Variants in KALRN observed in about 807,000 individuals in gnomAD.
The protein encoded by KALRN is kalirin.
In KALRN, 70 loss-of-function variants were observed where a neutral mutation model predicts 353.7. The ratio of observed to expected loss-of-function variants is 0.20; its 90% CI spans 0.16 to 0.24. KALRN has a LOEUF of 0.24. Ranked by LOEUF, KALRN falls within the 10% of genes least tolerant of loss-of-function variation. KALRN has a pLI of 1.00. For synonymous variants in KALRN, 1,391 were observed against 1,434.8 expected (o/e 0.97, Z 0.69); for missense variants, 2,791 against 3,756.7 (o/e 0.74, Z 6.72).
In KALRN at chr3:124,106,704, G is replaced by T. The variant is rs371992134; in HGVS notation, c.73+72891G>T. Among the ~76,000 whole-genome samples, 12 of 152,284 alleles carry T rather than the reference G, an allele frequency of 7.9e-5. No homozygotes were observed. In the East Asian group the frequency reaches 1.4e-3, roughly 17 times the overall value. On this transcript the variant is annotated intron_variant, in intron 1 of 59. Coordinates refer to ENST00000682506, the MANE Select transcript of KALRN (RefSeq NM_001388419.1). ...TAAGATGAGGAAACTGAGGCTCAAAGAAATGATTTTACTCCCCAAAGTCAT... is the reference window on the plus strand; with the variant it reads ...TAAGATGAGGAAACTGAGGCTCAAATAAATGATTTTACTCCCCAAAGTCAT...
chr3:124,288,690 G>A (rs886413789), intron 5 of KALRN, among the ~76,000 whole-genome samples: 24 of 152,108 alleles, frequency 1.6e-4, no homozygotes, highest in African/African-American at 5.8e-4. Context: ...GGGGTCCGAT[G>A]GCTTAGTATA....
intron 1 of KALRN, among the ~76,000 whole-genome samples, chr3:124,123,068 G>A (rs967313157): frequency 1.3e-5 from 2 of 152,092 alleles, no homozygotes; most frequent in Non-Finnish European, 2.9e-5. Flanking sequence ...AGGCGTGGTG[G>A]CACGTGCCTG....
intron 34 of KALRN, among the ~76,000 whole-genome samples, chr3:124,588,463 C>T (rs373058757): frequency 3.3e-5 from 5 of 152,158 alleles, no homozygotes; most frequent in Middle Eastern, 6.8e-3. Flanking sequence ...CTCGCTCTGT[C>T]GCCCAGGCTG....
At chr3:124,296,556 T>C (rs1295159460) in intron 5 of KALRN, among the ~76,000 whole-genome samples, 1 of 152,120 alleles carries the variant, frequency 6.6e-6, no homozygotes, top group Non-Finnish European at 1.5e-5. Flanking sequence ...CCAGTCCACA[T>C]CCCTCACTGT....
chr3:124,697,132 A>C (rs1360328681), intron 54 of KALRN, among the ~76,000 whole-genome samples: 1 of 152,210 alleles, frequency 6.6e-6, no homozygotes, highest in Non-Finnish European at 1.5e-5. Context: ...TCCTGGGCTC[A>C]AGTGATCCTC....
chr3:124,269,792 T>C (rs1016048039), intron 5 of KALRN, among the ~76,000 whole-genome samples: 7 of 152,266 alleles, frequency 4.6e-5, no homozygotes, highest in African/African-American at 1.4e-4. Context: ...GGTTGAGTGG[T>C]GGCATCTCTC....
intron 1 of KALRN, among the ~76,000 whole-genome samples, chr3:124,165,775 C>T (rs935347493): frequency 6.6e-6 from 1 of 152,212 alleles, no homozygotes; most frequent in Non-Finnish European, 1.5e-5. Flanking sequence ...GATCATGTCT[C>T]TTGGGCTTAA....
chr3:124,654,700 C>G (rs1258727792), intron 38 of KALRN, among the ~76,000 whole-genome samples: 1 of 152,232 alleles, frequency 6.6e-6, no homozygotes, highest in Admixed American at 6.5e-5. Context: ...CAGTGGGCTG[C>G]TGGGAAAGAG....
rs1412930616 is a variant in KALRN, at chr3:124,218,253, G to A, written c.74-9737G>A. On this transcript the variant is annotated intron_variant, in intron 1 of 59. Transcript: ENST00000682506. Reference sequence around the variant, plus strand: ...AAGTCAGCAATTTCATGTTTAACTAGTCTTTATGCCCTGATTAAATTAAGT... The same window carrying A: ...AAGTCAGCAATTTCATGTTTAACTAATCTTTATGCCCTGATTAAATTAAGT... Among the ~76,000 whole-genome samples the A allele has an allele frequency of 2.6e-5, 4 of 152,102 alleles. No individual in the cohort carries two copies. In the South Asian group the frequency reaches 8.3e-4, roughly 32 times the overall value.
rs540356286 is a variant in KALRN, at chr3:124,186,517, T to C, written c.74-41473T>C. On this transcript the variant is annotated intron_variant, in intron 1 of 59. Transcript: ENST00000682506. ...TTAAAAATCTTAAAGTGTGATTGCC[T>C]TTTATGGTAAGTTCCAGAGGTGAGA... Among the ~76,000 whole-genome samples the C allele has an allele frequency of 5.3e-5, 8 of 152,330 alleles. No individual in the cohort carries two copies. In the East Asian group the frequency reaches 1.5e-3, roughly 29 times the overall value.
chr3:124,377,662 G>A (rs1444359378), intron 10 of KALRN, among the ~76,000 whole-genome samples: 1 of 152,014 alleles, frequency 6.6e-6, no homozygotes, highest in Admixed American at 6.6e-5. Flanking sequence ...CTATAATTAT[G>A]GATTTCTCTA....
chr3:124,426,080 G>A (rs1429758397), intron 15 of KALRN, among the ~76,000 whole-genome samples: 5 of 152,188 alleles, frequency 3.3e-5, no homozygotes, highest in African/African-American at 4.8e-5. Flanking sequence ...AGTGGCCCTC[G>A]AGGTGCCAAG....
At chr3:124,156,628 A>G (rs1209111383) in intron 1 of KALRN, among the ~76,000 whole-genome samples, 2 of 152,240 alleles carry the variant, frequency 1.3e-5, no homozygotes, top group Admixed American at 6.5e-5. Context: ...GTTCTTAAGT[A>G]TCTTGAGATG....
chr3:124,328,704 C>T (rs1458351289), intron 7 of KALRN, among the ~76,000 whole-genome samples: 1 of 152,192 alleles, frequency 6.6e-6, no homozygotes, highest in East Asian at 1.9e-4. Flanking sequence ...TGAAAGCTGA[C>T]AGTGACAACA....
At chr3:124,557,032 T>C (rs2071348277) in intron 33 of KALRN, among the ~76,000 whole-genome samples, 1 of 152,236 alleles carries the variant, frequency 6.6e-6, no homozygotes, top group African/African-American at 2.4e-5. Flanking sequence ...TTAGTAGATA[T>C]ATCATAATTA....
intron 1 of KALRN, among the ~76,000 whole-genome samples, chr3:124,157,868 C>T (rs1412831701): frequency 2.0e-5 from 3 of 152,142 alleles, no homozygotes; most frequent in African/African-American, 4.8e-5. Flanking sequence ...CTTTCCCCTG[C>T]GAATGCCCCT....
rs779862713 is a variant in KALRN, at chr3:124,722,065, A to C, written c.*2595A>C. On this transcript the variant is annotated 3_prime_UTR_variant, in exon 60 of 60. Coordinates refer to ENST00000682506, the MANE Select transcript of KALRN (RefSeq NM_001388419.1). ...CAGCTTGGCAAGTTCTGTTCTGTCC[A>C]CTGTGGATGACCTGAATCAAGATCC... is the stretch of plus-strand genomic sequence containing the variant. 6.6e-6 allele frequency: 1 copy of C among 152,326 alleles called. No homozygotes were observed. The highest frequency in any genetic ancestry group is 2.4e-5 in the African/African-American group (1 of 41,440). 9.4% of individuals were successfully genotyped at this position (152,326 alleles called of 1,614,324 possible).
At chr3:124,147,933 G>A (rs540540121) in intron 1 of KALRN, among the ~76,000 whole-genome samples, 6 of 152,342 alleles carry the variant, frequency 3.9e-5, no homozygotes, top group African/African-American at 1.4e-4. Context: ...GATTCAGAGC[G>A]TAAAACCTGT....
At chr3:124,496,035 A>T in intron 32 of KALRN, among the ~76,000 whole-genome samples, 1 of 131,950 alleles carries the variant, frequency 7.6e-6, no homozygotes, top group South Asian at 2.6e-4. Flanking sequence ...ATACATACAT[A>T]CACCCCCTCT....
Sources: gnomAD v4.1 joint callset for allele counts (sites outside exome capture counted in the v4.1 genomes callset) on GRCh38, gnomAD v4.1.1 for gene constraint, MANE v1.5 for transcripts, NCBI Gene and HGNC (gene_info 2026-07-23, HGNC 2026-07-21) for gene names.